Variants in CLASP1 observed in about 807,000 individuals in gnomAD.
The protein encoded by CLASP1 is cytoplasmic linker associated protein 1, also known as CLIP-associating protein 1.
In CLASP1, 38 loss-of-function variants were observed where a neutral mutation model predicts 192.3. The ratio of observed to expected loss-of-function variants is 0.20; its 90% confidence interval spans 0.15 to 0.26. The LOEUF (loss-of-function observed/expected upper bound fraction) is 0.26, where lower values mean the gene tolerates loss of function less well. Ranked by LOEUF, CLASP1 falls within the 10% of genes least tolerant of loss-of-function variation. The pLI, the probability that CLASP1 is intolerant of heterozygous loss-of-function variation, is 1.00. For synonymous variants in CLASP1, 691 were observed against 712.8 expected, an observed-to-expected ratio of 0.97 and a Z score of 0.49; for missense variants, 1,433 against 1,932.5, an observed-to-expected ratio of 0.74 and a Z score of 4.85.
chr2:121,600,596 TTTC>T (rs1349946275), intron 2 of CLASP1, among the ~76,000 whole-genome samples: 3 of 152,268 alleles, frequency 2.0e-5, no homozygotes, highest in Non-Finnish European at 4.4e-5. Flanking sequence ...GTGTTACTAC[TTTC>T]TTCTTCTGTC....
intron 2 of CLASP1, among the ~76,000 whole-genome samples, chr2:121,538,067 A>G (rs1308199032): frequency 6.6e-6 from 1 of 152,112 alleles, no homozygotes; most frequent in African/African-American, 2.4e-5. Flanking sequence ...CCACTGTACA[A>G]TTTCTGTTCA....
At chr2:121,463,134 C>T (rs2088477914) in intron 9 of CLASP1, among the ~76,000 whole-genome samples, 2 of 152,120 alleles carry the variant, frequency 1.3e-5, no homozygotes, top group Admixed American at 1.3e-4. Context: ...CAAGTTTCTC[C>T]TACAAACTTA....
chr2:121,607,845 C>T (rs2064651850), intron 1 of CLASP1, among the ~76,000 whole-genome samples: 1 of 152,172 alleles, frequency 6.6e-6, no homozygotes, highest in African/African-American at 2.4e-5. Flanking sequence ...CACCCCTAAT[C>T]TCAACGTAAA....
chr2:121,347,006 G>T, intron 39 of CLASP1, 32 bp downstream of exon 40: 1 of 1,331,560 alleles, frequency 7.5e-7, no homozygotes, highest in Non-Finnish European at 1.1e-6. Flanking sequence ...GAGCCCAGGT[G>T]TGCGTATCAG....
exon 40 of CLASP1, chr2:121,340,608 CAT>C (rs1429162606): frequency 9.1e-6 from 4 of 437,564 alleles, no homozygotes; most frequent in African/African-American, 6.0e-5. Context: ...CTGTACAAGA[CAT>C]GTTTCAGTAT....
chr2:121,394,629 C>G (rs2074968436), intron 30 of CLASP1, among the ~76,000 whole-genome samples: 1 of 152,224 alleles, frequency 6.6e-6, no homozygotes, highest in Admixed American at 6.5e-5. Flanking sequence ...CGCCTGTAAT[C>G]CCAGCACTTT....
At chr2:121,462,586 A>G in exon 10 of CLASP1, 1 of 1,604,894 alleles carries the variant, frequency 6.2e-7, no homozygotes, top group East Asian at 2.2e-5. Flanking sequence ...CATCAACAGC[A>G]CCAGCTCCTT....
intron 30 of CLASP1, among the ~76,000 whole-genome samples, chr2:121,390,008 G>A (rs1457674880): frequency 6.6e-6 from 1 of 152,204 alleles, no homozygotes; most frequent in Non-Finnish European, 1.5e-5. Flanking sequence ...TGGAGTAGCT[G>A]GGATTATAGG....
At chr2:121,585,815 T>C (rs1292556414) in intron 2 of CLASP1, among the ~76,000 whole-genome samples, 1 of 151,006 alleles carries the variant, frequency 6.6e-6, no homozygotes, top group Non-Finnish European at 1.5e-5. Context: ...GAGAATCGCT[T>C]GAACCCAGGA....
chr2:121,384,629 T>C (rs903482704), intron 32 of CLASP1, among the ~76,000 whole-genome samples: 2 of 151,624 alleles, frequency 1.3e-5, no homozygotes, highest in African/African-American at 4.9e-5. Context: ...ACAGGCCAGG[T>C]GTGGCGGCTC....
At position 121,468,109 on chromosome 2, in the gene CLASP1, T is replaced by C. The variant is rs139445422; in HGVS notation, c.865+1699A>G. ...AGATCAGATGGTTGTAGTCGTGGGT[T>C]CTTTATTTCTGGGTTCTCTCTTCTA... is the stretch of plus-strand genomic sequence containing the variant. On this transcript the variant is annotated intron_variant, in intron 9 of 39. Coordinates refer to ENST00000263710, the Ensembl canonical transcript of CLASP1. Among the ~76,000 whole-genome samples, 35 of 152,282 alleles carry C rather than the reference T, an allele frequency of 2.3e-4. No homozygotes were observed. In the East Asian group the frequency reaches 6.8e-3, roughly 29 times the overall value.
intron 1 of CLASP1, among the ~76,000 whole-genome samples, chr2:121,633,028 AGGCT>A (rs2070088635): frequency 7.3e-6 from 1 of 137,544 alleles, no homozygotes; most frequent in African/African-American, 2.9e-5. Flanking sequence ...ATATATATAT[AGGCT>A]TTTTTTCATG....
chr2:121,641,634 A>T (rs745641193), intron 1 of CLASP1, among the ~76,000 whole-genome samples: 1 of 152,238 alleles, frequency 6.6e-6, no homozygotes, highest in Non-Finnish European at 1.5e-5. Flanking sequence ...ATACAGTTTC[A>T]TCATACTGAA....
At chr2:121,345,670 G>C (rs1306490641) in intron 39 of CLASP1, among the ~76,000 whole-genome samples, 1 of 152,268 alleles carries the variant, frequency 6.6e-6, no homozygotes, top group East Asian at 1.9e-4. Context: ...GAAGGAACTG[G>C]AGAACAGAAT....
intron 8 of CLASP1, among the ~76,000 whole-genome samples, chr2:121,472,964 C>A (rs1447944587): frequency 1.3e-5 from 2 of 152,080 alleles, no homozygotes; most frequent in Non-Finnish European, 2.9e-5. Context: ...ATCTGATTTG[C>A]CAAAACAAAG....
At chr2:121,457,566 GC>G in intron 14 of CLASP1, 120 bp downstream of exon 14, 1 of 699,080 alleles carries the variant, frequency 1.4e-6, no homozygotes, top group Non-Finnish European at 2.5e-6. Context: ...GTCATTTACT[GC>G]AGTGATTTTA....
chr2:121,461,629 T>C (rs1452072969), intron 10 of CLASP1, among the ~76,000 whole-genome samples: 1 of 152,148 alleles, frequency 6.6e-6, no homozygotes, highest in South Asian at 2.1e-4. Context: ...TAATCAATCT[T>C]GATGTATGCT....
At chr2:121,457,730 C>G in exon 14 of CLASP1, 1 of 1,613,268 alleles carries the variant, frequency 6.2e-7, no homozygotes, top group South Asian at 1.1e-5. Context: ...CTTGTTATGA[C>G]AGGTATTAAC....
intron 1 of CLASP1, among the ~76,000 whole-genome samples, chr2:121,624,002 T>C (rs1242526324): frequency 2.6e-5 from 4 of 152,198 alleles, no homozygotes; most frequent in Admixed American, 6.5e-5. Flanking sequence ...GTAAGGTCAG[T>C]AGTGATGTCC....
Sources: gnomAD v4.1 joint callset for allele counts (sites outside exome capture counted in the v4.1 genomes callset) on GRCh38, gnomAD v4.1.1 for gene constraint, MANE v1.5 for transcripts, NCBI Gene and HGNC (gene_info 2026-07-23, HGNC 2026-07-21) for gene names.